Variants in AUTS2 observed in about 807,000 individuals in gnomAD.
AUTS2 encodes the protein autism susceptibility gene 2 protein.
In AUTS2, 17 loss-of-function variants were observed where a neutral mutation model predicts 112.4. That is an observed-to-expected ratio of 0.15 (90% CI 0.10 to 0.23). The LOEUF is 0.23. Among genes scored for constraint, AUTS2 ranks in the 10% least tolerant of loss-of-function variants. The pLI, the probability that AUTS2 is intolerant of heterozygous loss-of-function variation, is 1.00. For synonymous variants in AUTS2, 751 were observed against 702.7 expected (o/e 1.07, Z -1.09); for missense variants, 1,510 against 1,701.6 (o/e 0.89, Z 1.98).
intron 1 of AUTS2, among the ~76,000 whole-genome samples, chr7:69,888,242 CAAG>C (rs1794361892): frequency 6.6e-6 from 1 of 151,476 alleles, no homozygotes; most frequent in African/African-American, 2.4e-5. Context: ...GCAGACTGTA[CAAG>C]AAGAATGGTG....
intron 2 of AUTS2, among the ~76,000 whole-genome samples, chr7:70,109,762 T>A (rs1804970929): frequency 6.6e-6 from 1 of 152,188 alleles, no homozygotes; most frequent in Non-Finnish European, 1.5e-5. Flanking sequence ...GGGAGGAGGT[T>A]ATTATGGGGC....
At chr7:69,788,448 A>G (rs1380745287) in intron 1 of AUTS2, among the ~76,000 whole-genome samples, 3 of 152,198 alleles carry the variant, frequency 2.0e-5, no homozygotes, top group African/African-American at 7.2e-5. Context: ...GGTGTCAGAG[A>G]TTACACTTGG....
intron 5 of AUTS2, among the ~76,000 whole-genome samples, chr7:70,487,116 C>T (rs932965317): frequency 6.6e-5 from 10 of 152,076 alleles, no homozygotes; most frequent in African/African-American, 1.4e-4. Flanking sequence ...TGGGAGAGGA[C>T]GGTAGCCGCT....
intron 1 of AUTS2, among the ~76,000 whole-genome samples, chr7:69,729,085 A>G (rs1786658670): frequency 1.3e-5 from 2 of 152,152 alleles, no homozygotes; most frequent in Admixed American, 1.3e-4. Context: ...GAAATATACC[A>G]TGTCCAATTC....
At chr7:70,218,449 A>G (rs927353067) in intron 4 of AUTS2, among the ~76,000 whole-genome samples, 9 of 152,112 alleles carry the variant, frequency 5.9e-5, no homozygotes, top group African/African-American at 1.7e-4. Flanking sequence ...GCACAGTAAG[A>G]TGGCTCTGAA....
At chr7:70,167,745 A>G (rs529203771) in intron 4 of AUTS2, among the ~76,000 whole-genome samples, 1 of 152,352 alleles carries the variant, frequency 6.6e-6, no homozygotes, top group East Asian at 1.9e-4. Context: ...ACTAGAACTC[A>G]GTAACAGAAG....
At chr7:69,653,583 A>G (rs1795385116) in intron 1 of AUTS2, among the ~76,000 whole-genome samples, 1 of 152,116 alleles carries the variant, frequency 6.6e-6, no homozygotes, top group South Asian at 2.1e-4. Context: ...TAAGTGTACT[A>G]AGAATTACTT....
At chr7:69,957,909 C>A (rs1797281209) in intron 2 of AUTS2, among the ~76,000 whole-genome samples, 1 of 152,154 alleles carries the variant, frequency 6.6e-6, no homozygotes, top group South Asian at 2.1e-4. Flanking sequence ...GGGTTGTGGG[C>A]TGGAATTCAG....
chr7:70,453,699 TCATCTC>T (rs1440414987), intron 5 of AUTS2, among the ~76,000 whole-genome samples: 2 of 152,196 alleles, frequency 1.3e-5, no homozygotes, highest in Non-Finnish European at 2.9e-5. Flanking sequence ...AGCATCATTC[TCATCTC>T]TGCCTCTGTC....
intron 1 of AUTS2, among the ~76,000 whole-genome samples, chr7:69,894,665 C>A (rs1031062183): frequency 6.6e-6 from 1 of 152,174 alleles, no homozygotes; most frequent in African/African-American, 2.4e-5. Flanking sequence ...GGGAGATCAT[C>A]TTTCACATGA....
intron 1 of AUTS2, among the ~76,000 whole-genome samples, chr7:69,600,843 C>G (rs1178622682): frequency 1.3e-5 from 2 of 151,958 alleles, no homozygotes; most frequent in South Asian, 2.1e-4. Context: ...TCTCCCTTTC[C>G]TTTTTTGTGT....
chr7:70,608,721 G>T (rs575135765), intron 5 of AUTS2, among the ~76,000 whole-genome samples: 35 of 152,144 alleles, frequency 2.3e-4, no homozygotes, highest in African/African-American at 8.2e-4. Context: ...ACAATCCCCT[G>T]GTGTACTGCT....
At chr7:70,466,333 A>G (rs190994914) in intron 5 of AUTS2, among the ~76,000 whole-genome samples, 2 of 152,352 alleles carry the variant, frequency 1.3e-5, no homozygotes, top group Admixed American at 1.3e-4. Context: ...CTCTCAATCT[A>G]AGAATACTCA....
intron 4 of AUTS2, among the ~76,000 whole-genome samples, chr7:70,268,284 G>A (rs1345747643): frequency 6.6e-6 from 1 of 152,026 alleles, no homozygotes; most frequent in East Asian, 1.9e-4. Context: ...TGACTAAATC[G>A]ACTAGGAGTC....
intron 14 of AUTS2, among the ~76,000 whole-genome samples, chr7:70,781,100 C>G (rs1791039230): frequency 6.6e-6 from 1 of 152,130 alleles, no homozygotes; most frequent in African/African-American, 2.4e-5. Context: ...GTGGCTCACA[C>G]CTGTAATCCT....
At chr7:70,668,356 T>A (rs1040901039) in intron 5 of AUTS2, among the ~76,000 whole-genome samples, 9 of 152,214 alleles carry the variant, frequency 5.9e-5, no homozygotes, top group Admixed American at 2.0e-4. Context: ...GTGGCAACGT[T>A]GCACAGAAGA....
chr7:70,175,167 T>A (rs1046459541), intron 4 of AUTS2, among the ~76,000 whole-genome samples: 1 of 152,080 alleles, frequency 6.6e-6, no homozygotes, highest in East Asian at 1.9e-4. Context: ...TTAATGGATG[T>A]CTTTGAGGTG....
intron 5 of AUTS2, among the ~76,000 whole-genome samples, chr7:70,642,351 T>C (rs1274512804): frequency 6.6e-6 from 1 of 151,298 alleles, no homozygotes; most frequent in African/African-American, 2.4e-5. Flanking sequence ...TTGGCCTCAC[T>C]TAATGTTCTG....
intron 5 of AUTS2, among the ~76,000 whole-genome samples, chr7:70,591,110 A>T (rs1389895543): frequency 6.6e-6 from 1 of 152,154 alleles, no homozygotes; most frequent in Non-Finnish European, 1.5e-5. Context: ...GTGTGACTTG[A>T]GTAAGGCTCA....
Sources: allele counts gnomAD v4.1 joint callset (sites outside exome capture counted in the v4.1 genomes callset), GRCh38; gene constraint gnomAD v4.1.1; transcripts MANE v1.5; gene names NCBI Gene and HGNC (gene_info 2026-07-23, HGNC 2026-07-21).